COMMD10: variants seen among roughly 807,000 people sequenced by gnomAD.
COMMD10 encodes the protein COMM domain containing 10, also known as COMM domain-containing protein 10.
Under a neutral mutation model 28.9 loss-of-function variants are expected in COMMD10, and 33 were observed. The ratio of observed to expected loss-of-function variants is 1.14; its 90% CI spans 0.87 to 1.53. COMMD10 has a LOEUF of 1.53. Among genes scored for constraint, COMMD10 ranks in the 40% most tolerant of loss-of-function variants. The pLI is 0.00. For synonymous variants in COMMD10, 110 were observed against 81.7 expected, an observed-to-expected ratio of 1.35 and a Z score of -1.87; for missense variants, 310 against 233.4, an observed-to-expected ratio of 1.33 and a Z score of -2.14.
chr5:116,124,996 C>G (rs768915508), intron 4 of COMMD10, among the ~76,000 whole-genome samples: 30 of 151,894 alleles, frequency 2.0e-4, no homozygotes, highest in Non-Finnish European at 2.9e-4. Flanking sequence ...ATACAGCACA[C>G]TGTTGAGTGT....
chr5:116,123,725 T>G (rs969260866), intron 4 of COMMD10, among the ~76,000 whole-genome samples: 3 of 152,204 alleles, frequency 2.0e-5, no homozygotes, highest in Non-Finnish European at 4.4e-5. Context: ...GGCAGGCTAT[T>G]AATTATTTCC....
intron 2 of COMMD10, among the ~76,000 whole-genome samples, chr5:116,088,539 C>T (rs951197009): frequency 6.6e-6 from 1 of 152,136 alleles, no homozygotes; most frequent in African/African-American, 2.4e-5. Context: ...GTTAGAAATC[C>T]TTAACATTGC....
intron 5 of COMMD10, among the ~76,000 whole-genome samples, chr5:116,227,606 G>C (rs887406439): frequency 5.9e-5 from 9 of 152,082 alleles, no homozygotes; most frequent in African/African-American, 2.2e-4. Context: ...AACATGTCCA[G>C]AAATACTAAG....
chr5:116,287,624 T>A (rs1193977304), intron 5 of COMMD10, among the ~76,000 whole-genome samples: 1 of 151,736 alleles, frequency 6.6e-6, no homozygotes, highest in Non-Finnish European at 1.5e-5. Context: ...TTAGTTGCTG[T>A]CTATGTCTTG....
intron 5 of COMMD10, chr5:116,255,958 C>G (rs1750272595): frequency 6.6e-6 from 1 of 151,546 alleles, no homozygotes; most frequent in South Asian, 2.1e-4. Context: ...GTTAGATCCA[C>G]TCTTAATTTT....
intron 5 of COMMD10, among the ~76,000 whole-genome samples, chr5:116,223,156 A>T (rs1749307430): frequency 6.6e-6 from 1 of 152,120 alleles, no homozygotes; most frequent in Non-Finnish European, 1.5e-5. Flanking sequence ...ATAAATTATA[A>T]ATATTAGTCT....
At chr5:116,097,193 A>T (rs1012019448) in intron 4 of COMMD10, among the ~76,000 whole-genome samples, 2 of 152,176 alleles carry the variant, frequency 1.3e-5, no homozygotes, top group Admixed American at 6.6e-5. Flanking sequence ...TGATCTGATT[A>T]ATTGTACATT....
intron 5 of COMMD10, among the ~76,000 whole-genome samples, chr5:116,220,810 T>A (rs1749230551): frequency 6.6e-6 from 1 of 152,094 alleles, no homozygotes; most frequent in Non-Finnish European, 1.5e-5. Context: ...GTTTAAAAAA[T>A]TATTTTAAAG....
chr5:116,110,096 A>G (rs1750993336), intron 4 of COMMD10, among the ~76,000 whole-genome samples: 1 of 152,170 alleles, frequency 6.6e-6, no homozygotes, highest in African/African-American at 2.4e-5. Context: ...ACTGCATTTT[A>G]TCAAATGCTA....
intron 5 of COMMD10, among the ~76,000 whole-genome samples, chr5:116,169,841 AAAT>A: frequency 6.6e-6 from 1 of 152,268 alleles, no homozygotes; most frequent in South Asian, 2.1e-4. Context: ...ACGTATCTCA[AAAT>A]AATAAGAGCT....
intron 4 of COMMD10, among the ~76,000 whole-genome samples, chr5:116,112,636 C>T (rs367624497): frequency 2.2e-4 from 34 of 152,228 alleles, no homozygotes; most frequent in African/African-American, 7.2e-4. Flanking sequence ...CCTCATTATC[C>T]GCCTGTGTTG....
chr5:116,284,417 A>T (rs1003117820), intron 5 of COMMD10, among the ~76,000 whole-genome samples: 1 of 151,826 alleles, frequency 6.6e-6, no homozygotes, highest in Non-Finnish European at 1.5e-5. Context: ...TGGCTTATGG[A>T]TGACAAGATG....
chr5:116,167,237 A>C (rs907140928), intron 5 of COMMD10, among the ~76,000 whole-genome samples: 1 of 151,940 alleles, frequency 6.6e-6, no homozygotes, highest in Non-Finnish European at 1.5e-5. Flanking sequence ...AAGCAGAAGT[A>C]AGGATATCAG....
chr5:116,111,136 AT>A (rs1751028994), intron 4 of COMMD10, among the ~76,000 whole-genome samples: 1 of 151,784 alleles, frequency 6.6e-6, no homozygotes, highest in African/African-American at 2.4e-5. Context: ...CTCCATTTTG[AT>A]TTCTTATTAT....
At chr5:116,177,743 A>C (rs932313893) in intron 5 of COMMD10, among the ~76,000 whole-genome samples, 6 of 152,040 alleles carry the variant, frequency 3.9e-5, no homozygotes, top group African/African-American at 7.2e-5. Flanking sequence ...AATCCTTTAA[A>C]ACTTATATGC....
intron 5 of COMMD10, among the ~76,000 whole-genome samples, chr5:116,150,117 CT>C (rs1227689010): frequency 2.0e-5 from 3 of 152,102 alleles, no homozygotes; most frequent in Non-Finnish European, 4.4e-5. Context: ...ATAGGGAATA[CT>C]TTCCCCATTT....
intron 5 of COMMD10, among the ~76,000 whole-genome samples, chr5:116,278,029 TG>T (rs1236320003): frequency 6.6e-6 from 1 of 151,834 alleles, no homozygotes; most frequent in Non-Finnish European, 1.5e-5. Flanking sequence ...TTCAATTTAT[TG>T]TTTAAAATTT....
intron 5 of COMMD10, among the ~76,000 whole-genome samples, chr5:116,170,765 G>C (rs1753300915): frequency 6.6e-6 from 1 of 152,084 alleles, no homozygotes; most frequent in South Asian, 2.1e-4. Context: ...AATTATGTTA[G>C]GAAAACTGGC....
At chr5:116,203,365 A>G (rs924557795) in intron 5 of COMMD10, among the ~76,000 whole-genome samples, 3 of 152,164 alleles carry the variant, frequency 2.0e-5, no homozygotes, top group Non-Finnish European at 2.9e-5. Flanking sequence ...GCAGGCCAAC[A>G]TTCAGATTCA....
Sources: allele counts gnomAD v4.1 joint callset (sites outside exome capture counted in the v4.1 genomes callset), GRCh38; gene constraint gnomAD v4.1.1; transcripts MANE v1.5; gene names NCBI Gene and HGNC (gene_info 2026-07-23, HGNC 2026-07-21).